The following PDSS2 variants were observed in gnomAD, a reference collection of about 807,000 sequenced individuals.
The protein encoded by PDSS2 is all trans-polyprenyl-diphosphate synthase PDSS2.
A neutral mutation model predicts 44.5 loss-of-function variants in PDSS2; 31 were observed. The ratio of observed to expected loss-of-function variants is 0.70; its 90% CI spans 0.52 to 0.94. The LOEUF (loss-of-function observed/expected upper bound fraction) is 0.94, where lower values mean the gene tolerates loss of function less well. Ranked by LOEUF, PDSS2 falls within the 40% of genes least tolerant of loss-of-function variation. The pLI is 0.00. For synonymous variants in PDSS2, 157 were observed against 180.3 expected, an observed-to-expected ratio of 0.87 and a Z score of 1.03; for missense variants, 452 against 482.2, an observed-to-expected ratio of 0.94 and a Z score of 0.59.
chr6:107,196,214 G>C (rs1376458667), intron 6 of PDSS2, among the ~76,000 whole-genome samples: 1 of 152,180 alleles, frequency 6.6e-6, no homozygotes, highest in Non-Finnish European at 1.5e-5. Context: ...TCCCAAAATA[G>C]TTTTGTCTAC....
chr6:107,408,874 C>A (rs770720910), intron 1 of PDSS2, among the ~76,000 whole-genome samples: 1 of 152,094 alleles, frequency 6.6e-6, no homozygotes, highest in Non-Finnish European at 1.5e-5. Context: ...CTCCAAGCTA[C>A]GAAGGAAAAT....
intron 4 of PDSS2, among the ~76,000 whole-genome samples, chr6:107,244,012 C>T (rs565006870): frequency 6.6e-6 from 1 of 152,282 alleles, no homozygotes; most frequent in Admixed American, 6.5e-5. Flanking sequence ...CCTGTAATCC[C>T]AGCTACTTGG....
At chr6:107,349,952 G>A (rs6930320) in intron 1 of PDSS2, among the ~76,000 whole-genome samples, 83,216 of 151,994 alleles carry the variant, frequency 0.55, 23,494 homozygotes, top group South Asian at 0.74. Context: ...ATGCCTCTTC[G>A]GCTTCCTTTA....
intron 2 of PDSS2, among the ~76,000 whole-genome samples, chr6:107,324,578 T>C (rs1234801078): frequency 6.6e-6 from 1 of 152,166 alleles, no homozygotes; most frequent in Non-Finnish European, 1.5e-5. Flanking sequence ...CCCTTATATC[T>C]GTTTCCAAAC....
intron 1 of PDSS2, 60 bp downstream of exon 1, chr6:107,458,930 C>T: frequency 6.6e-7 from 1 of 1,516,846 alleles, no homozygotes; most frequent in Non-Finnish European, 9.1e-7. Context: ...TGCGTATGCC[C>T]GCCAGAAAAA....
At chr6:107,164,586 T>C (rs1582720503) in intron 7 of PDSS2, among the ~76,000 whole-genome samples, 1 of 152,222 alleles carries the variant, frequency 6.6e-6, no homozygotes, top group Non-Finnish European at 1.5e-5. Flanking sequence ...TTTGGGTTGG[T>C]TCCAAGTCTT....
chr6:107,405,713 G>A (rs374767714), intron 1 of PDSS2, among the ~76,000 whole-genome samples: 55 of 151,588 alleles, frequency 3.6e-4, no homozygotes, highest in African/African-American at 1.1e-3. Context: ...CGGGCGTAGC[G>A]GCGGGCGCCT....
intron 1 of PDSS2, among the ~76,000 whole-genome samples, chr6:107,434,067 C>A (rs967635834): frequency 2.0e-5 from 3 of 152,002 alleles, no homozygotes; most frequent in African/African-American, 7.2e-5. Context: ...ATCATCTCAC[C>A]CCAGTTAAAA....
At chr6:107,261,293 G>C (rs1301487917) in intron 3 of PDSS2, among the ~76,000 whole-genome samples, 3 of 152,204 alleles carry the variant, frequency 2.0e-5, no homozygotes, top group African/African-American at 7.2e-5. Flanking sequence ...TTGGATCATG[G>C]GGGCAGATCC....
At chr6:107,307,228 G>GT (rs1251164650) in intron 2 of PDSS2, among the ~76,000 whole-genome samples, 1 of 152,186 alleles carries the variant, frequency 6.6e-6, no homozygotes, top group Non-Finnish European at 1.5e-5. Context: ...TGTGCTTGGT[G>GT]ATGCCTTTAC....
chr6:107,273,996 A>G (rs1279096498), intron 3 of PDSS2, 33 bp downstream of exon 3: 1 of 1,556,884 alleles, frequency 6.4e-7, no homozygotes, highest in East Asian at 2.2e-5. Context: ...ACCTGAAGCC[A>G]TTCAGGTACA....
intron 1 of PDSS2, among the ~76,000 whole-genome samples, chr6:107,388,001 G>C (rs769884197): frequency 7.2e-5 from 11 of 152,122 alleles, no homozygotes; most frequent in Non-Finnish European, 1.5e-4. Context: ...CATTATTTTA[G>C]TATAATTATC....
intron 7 of PDSS2, among the ~76,000 whole-genome samples, chr6:107,155,922 C>G (rs1770876751): frequency 9.4e-6 from 1 of 105,830 alleles, no homozygotes; most frequent in Non-Finnish European, 1.8e-5. Flanking sequence ...CAAAGTTTCG[C>G]TCTGTCATCC....
In PDSS2 at chr6:107,364,288, G is replaced by A. The variant is rs181450299; in HGVS notation, c.297-29956C>T. 9.8e-4 allele frequency among the ~76,000 whole-genome samples: 149 copies of A among 152,360 alleles called. 1 individual carries two copies. In the East Asian group the frequency reaches 0.016, roughly 16 times the overall value. ...GGTCGATGGGACTGGGCGCCGTGGA[G>A]TAGGGAGTGGTGCTGGTCGGGGAGG... is the stretch of plus-strand genomic sequence containing the variant. On this transcript the variant is annotated intron_variant, in intron 1 of 7. Coordinates refer to ENST00000369037, the MANE Select transcript of PDSS2 (RefSeq NM_020381.4).
intron 1 of PDSS2, among the ~76,000 whole-genome samples, chr6:107,340,958 G>A (rs1158146769): frequency 1.3e-5 from 2 of 152,150 alleles, no homozygotes; most frequent in Non-Finnish European, 2.9e-5. Context: ...TTTAGAGTCT[G>A]GACTTAATTC....
intron 7 of PDSS2, among the ~76,000 whole-genome samples, chr6:107,190,544 T>A (rs746773631): frequency 6.6e-6 from 1 of 152,184 alleles, no homozygotes; most frequent in Non-Finnish European, 1.5e-5. Flanking sequence ...ATCATTATAA[T>A]ATAACAGAGT....
At chr6:107,442,636 C>T (rs1270517098) in intron 1 of PDSS2, among the ~76,000 whole-genome samples, 2 of 152,266 alleles carry the variant, frequency 1.3e-5, no homozygotes, top group East Asian at 1.9e-4. Flanking sequence ...TTTCCACTTG[C>T]TGCAAATACT....
chr6:107,322,255 C>T (rs543305791), intron 2 of PDSS2, among the ~76,000 whole-genome samples: 12 of 152,210 alleles, frequency 7.9e-5, no homozygotes, highest in Middle Eastern at 3.4e-3. Flanking sequence ...TGTGGTGGCT[C>T]ATGTATGTAA....
At chr6:107,437,629 T>C (rs1402791861) in intron 1 of PDSS2, among the ~76,000 whole-genome samples, 2 of 150,802 alleles carry the variant, frequency 1.3e-5, no homozygotes, top group Non-Finnish European at 2.9e-5. Flanking sequence ...AATCCATGCA[T>C]ACTCAAGACC....
Sources: gnomAD v4.1 joint callset for allele counts (sites outside exome capture counted in the v4.1 genomes callset) on GRCh38, gnomAD v4.1.1 for gene constraint, MANE v1.5 for transcripts, NCBI Gene and HGNC (gene_info 2026-07-23, HGNC 2026-07-21) for gene names.